Variants in SPNS3 observed in about 807,000 individuals in gnomAD.
SPNS3 encodes SPNS lysolipid transporter 3, sphingosine-1-phosphate (putative), also known as protein spinster homolog 3.
A neutral mutation model predicts 54.4 loss-of-function variants in SPNS3; 51 were observed. The ratio of observed to expected loss-of-function variants is 0.94; its 90% CI spans 0.75 to 1.18. The LOEUF (loss-of-function observed/expected upper bound fraction) is 1.18, where lower values mean the gene tolerates loss of function less well. Ranked by LOEUF, SPNS3 falls within the 50% of genes most tolerant of loss-of-function variation. SPNS3 has a pLI of 0.00. For missense variants in SPNS3, 669 were observed against 677.4 expected (o/e 0.99, Z 0.14); for synonymous variants, 309 against 294.7 (o/e 1.05, Z -0.50).
At position 4,447,646 on chromosome 17, in the gene SPNS3, C is replaced by T. The variant is rs370351703; in HGVS notation, c.622-509C>T. Among the ~76,000 whole-genome samples, 18 of 152,234 alleles carry T rather than the reference C, an allele frequency of 1.2e-4. No individual in the cohort carries two copies. The East Asian group carries it at 2.9e-3, about 25-fold the overall frequency. On this transcript the variant is annotated intron_variant, in intron 5 of 11. Transcript: ENST00000355530. Reference sequence around the variant, plus strand: ...CTTCAAGGAGGCAGGTCTGACCTGGCTTGAATAAACCTTCTCATGGTCTCA... The same window carrying T: ...CTTCAAGGAGGCAGGTCTGACCTGGTTTGAATAAACCTTCTCATGGTCTCA...
At chr17:4,445,325 GCA>G (rs1457266481) in intron 3 of SPNS3, among the ~76,000 whole-genome samples, 157 bp downstream of exon 3, 6 of 151,622 alleles carry the variant, frequency 4.0e-5, no homozygotes, top group Admixed American at 2.0e-4. Context: ...GAAGGTGAGA[GCA>G]CAGTCTCCAG....
intron 8 of SPNS3, among the ~76,000 whole-genome samples, chr17:4,463,663 C>T (rs1054259976): frequency 2.7e-5 from 4 of 150,010 alleles, no homozygotes; most frequent in Admixed American, 6.7e-5. Flanking sequence ...TGCTTGAACC[C>T]GGGAGGTGGA....
chr17:4,477,823 G>T (rs545677322), intron 8 of SPNS3, among the ~76,000 whole-genome samples: 2 of 152,244 alleles, frequency 1.3e-5, no homozygotes, highest in Non-Finnish European at 2.9e-5. Context: ...CCTTTGGTGG[G>T]GTGCCTGGGG....
At chr17:4,437,860 C>A (rs1234686299) in intron 1 of SPNS3, among the ~76,000 whole-genome samples, 7 of 150,890 alleles carry the variant, frequency 4.6e-5, no homozygotes, top group African/African-American at 1.7e-4. Flanking sequence ...GATCTCAGCT[C>A]ACTGCAACCT....
chr17:4,445,903 G>C lies in SPNS3; in HGVS notation c.403-145G>C, dbSNP rs1029862199. 7.9e-6 allele frequency: 7 copies of C among 888,932 alleles called. No homozygotes were observed. The African/African-American group carries it at 1.2e-4, about 15-fold the overall frequency. The allele number at this position is 888,932 out of a possible 1,614,324, so 55.1% of individuals were successfully genotyped here. A position where few individuals can be genotyped will look rare whatever the true frequency, so the allele number is the denominator to read the frequency against. On this transcript the variant is annotated intron_variant, in intron 3 of 11. Coordinates refer to ENST00000355530, the MANE Select transcript of SPNS3 (RefSeq NM_182538.5). Reference sequence around the variant, plus strand: ...CGTTTGACTTTGGGAACCTGGAGTGGAGAGGTGTCTGTAGCCCCGATCCCC... The same window carrying C: ...CGTTTGACTTTGGGAACCTGGAGTGCAGAGGTGTCTGTAGCCCCGATCCCC...
At chr17:4,464,689 T>G (rs1447770970) in intron 8 of SPNS3, among the ~76,000 whole-genome samples, 1 of 152,170 alleles carries the variant, frequency 6.6e-6, no homozygotes, top group Non-Finnish European at 1.5e-5. Flanking sequence ...TTTTATTTTT[T>G]TATTTTTTGA....
At chr17:4,462,134 C>CACCA (rs1971524315) in intron 8 of SPNS3, among the ~76,000 whole-genome samples, 1 of 244 alleles carries the variant, frequency 4.1e-3, no homozygotes, top group Admixed American at 0.056. Context: ...TCCATCCATC[C>CACCA]ATCCATCCAT....
chr17:4,446,739 G>T, intron 4 of SPNS3, 157 bp from the exon 5 acceptor site: 1 of 669,138 alleles, frequency 1.5e-6, no homozygotes. Context: ...GGACATCTGG[G>T]CCTCACGTGG....
At chr17:4,466,768 ATG>A (rs1309821811) in intron 8 of SPNS3, among the ~76,000 whole-genome samples, 2 of 149,944 alleles carry the variant, frequency 1.3e-5, no homozygotes, top group East Asian at 2.0e-4. Flanking sequence ...TCGCTGGAAC[ATG>A]GGAGGCGGAG....
chr17:4,462,805 CA>C, intron 8 of SPNS3, among the ~76,000 whole-genome samples: 1 of 122,246 alleles, frequency 8.2e-6, no homozygotes, highest in African/African-American at 3.9e-5. Context: ...ATCCATCCAC[CA>C]ATCTATCCAT....
rs559329072 is a variant in SPNS3 at position 4,486,009 on chromosome 17, C to A, written c.1180-219C>A. ...CAAGAGGGGTGGCCCTGATCAGGGG[C>A]CTTGGCACCCCCATCCTGGGGCACT... On this transcript the variant is annotated intron_variant, in intron 9 of 11. Transcript: ENST00000355530. The surrounding 1 kb of genome is among the most constrained non-coding windows in gnomAD (Gnocchi z 5.5). 2 of 471,222 alleles carry A rather than the reference C, an allele frequency of 4.2e-6. No individual in the cohort carries two copies. Among genetic ancestry groups the A allele is most frequent in the African/African-American group, 2.0e-5 (1 of 49,524 alleles). 29.2% of individuals were successfully genotyped at this position (471,222 alleles called of 1,614,324 possible).
chr17:4,447,638 T>C (rs1257133452), intron 5 of SPNS3, among the ~76,000 whole-genome samples: 1 of 152,154 alleles, frequency 6.6e-6, no homozygotes, highest in Non-Finnish European at 1.5e-5. Flanking sequence ...GAGGCAGGTC[T>C]GACCTGGCTT....
intron 7 of SPNS3, among the ~76,000 whole-genome samples, chr17:4,452,038 A>C (rs4790629): frequency 6.6e-6 from 1 of 151,846 alleles, no homozygotes; most frequent in Non-Finnish European, 1.5e-5. Context: ...AGGGTGAAGA[A>C]GTATATTCAA....
chr17:4,485,396 T>A (rs571226531), intron 9 of SPNS3, among the ~76,000 whole-genome samples: 11 of 151,894 alleles, frequency 7.2e-5, no homozygotes, highest in African/African-American at 9.6e-5. Flanking sequence ...TCTTTATTTT[T>A]TTTATTTTTT....
chr17:4,435,799 GCTCA>G (rs1323891923), intron 1 of SPNS3, among the ~76,000 whole-genome samples: 6 of 152,154 alleles, frequency 3.9e-5, no homozygotes, highest in South Asian at 2.1e-4. Flanking sequence ...AGGCGTGGTG[GCTCA>G]CGCCTGTAAT....
rs530065084 is a variant in SPNS3 at position 4,479,299 on chromosome 17, C to T, written c.1179+662C>T. On this transcript the variant is annotated intron_variant, in intron 9 of 11. Transcript: ENST00000355530. ...CAGCAAGCAGGTTCCTTGGCCTCTA[C>T]TCTGGGGCGTGCAGACGGGATGCCA... 4.6e-5 allele frequency among the ~76,000 whole-genome samples: 7 copies of T among 152,360 alleles called. No homozygotes were observed. The East Asian group carries it at 1.3e-3, about 29-fold the overall frequency.
At chr17:4,456,309 G>T (rs2088167) in intron 8 of SPNS3, among the ~76,000 whole-genome samples, 2 of 151,936 alleles carry the variant, frequency 1.3e-5, no homozygotes, top group Admixed American at 6.6e-5. Flanking sequence ...GCAAGCAGTG[G>T]GGGGCCAAAT....
chr17:4,444,869 C>T (rs927393386), intron 2 of SPNS3, 163 bp from the exon 3 acceptor site: 17 of 842,580 alleles, frequency 2.0e-5, no homozygotes, highest in African/African-American at 8.5e-5. Flanking sequence ...ATGTTGGCCA[C>T]GCACTGTGAG....
chr17:4,434,868 G>A (rs1220038255), intron 1 of SPNS3, among the ~76,000 whole-genome samples: 2 of 144,352 alleles, frequency 1.4e-5, no homozygotes, highest in African/African-American at 2.6e-5. Context: ...GCAGTGGCGC[G>A]ATCTCGGCTC....
Sources: gnomAD v4.1 joint callset for allele counts (sites outside exome capture counted in the v4.1 genomes callset) on GRCh38, gnomAD v4.1.1 for gene constraint, Gnocchi (gnomAD v3.1) non-coding constraint, MANE v1.5 for transcripts, NCBI Gene and HGNC (gene_info 2026-07-23, HGNC 2026-07-21) for gene names.